Variants in AGMO observed in about 807,000 individuals in gnomAD.
AGMO encodes the protein alkylglycerol monooxygenase, also known as glyceryl-ether monooxygenase.
AGMO carries 75 observed loss-of-function variants against 60.2 expected under a neutral mutation model. The observed-to-expected ratio is 1.25, with a 90% CI of 1.03 to 1.51. The LOEUF is 1.51. Ranked by LOEUF, AGMO falls within the 40% of genes most tolerant of loss-of-function variation. The pLI, the probability that AGMO is intolerant of heterozygous loss-of-function variation, is 0.00. For synonymous variants in AGMO, 261 were observed against 177.1 expected (o/e 1.47, Z -3.76); for missense variants, 763 against 525.5 (o/e 1.45, Z -4.42).
downstream of AGMO, among the ~76,000 whole-genome samples, chr7:15,196,253 T>C (rs367654876): frequency 7.5e-4 from 114 of 152,150 alleles, no homozygotes; most frequent in African/African-American, 2.6e-3. Flanking sequence ...TTCACCATAT[T>C]GATCAGGCTG....
At chr7:15,165,707 A>G in the AGMO span, among the ~76,000 whole-genome samples, 1 of 152,194 alleles carries the variant, frequency 6.6e-6, no homozygotes. Flanking sequence ...AATATGACAT[A>G]TAATTTAATC....
At chr7:15,553,189 G>C (rs963381277) in intron 2 of AGMO, among the ~76,000 whole-genome samples, 1 of 151,352 alleles carries the variant, frequency 6.6e-6, no homozygotes, top group African/African-American at 2.4e-5. Flanking sequence ...GCGGAGGGGG[G>C]AGGGATAGCA....
chr7:15,354,341 CACGCGTGTATATAGACGTGTGTATAT>C lies in AGMO; in HGVS notation c.1263+11147_1263+11172del, dbSNP rs1782380635. On this transcript the variant is annotated intron_variant, in intron 12 of 12. Coordinates refer to ENST00000342526, the MANE Select transcript of AGMO (RefSeq NM_001004320.2). ...GTGTATATACGTACGCGTGTATATA[CACGCGTGTATATAGACGTGTGTATAT>C]AGACGTGTGTATACACGTGTGTGTA... Among the ~76,000 whole-genome samples the C allele has an allele frequency of 1.5e-4, 5 of 34,062 alleles. 1 individual carries two copies. Among genetic ancestry groups the C allele is most frequent in the African/African-American group, 6.9e-4 (5 of 7,222 alleles). The allele number at this position is 34,062 out of a possible 152,430, so 22.3% of individuals were successfully genotyped here.
chr7:15,341,915 A>G (rs1158728308), intron 12 of AGMO, among the ~76,000 whole-genome samples: 2 of 151,972 alleles, frequency 1.3e-5, no homozygotes, highest in Admixed American at 1.3e-4. Flanking sequence ...CAGCATGGGA[A>G]AATCTGCTCT....
In AGMO at chr7:15,356,638, G is replaced by C. The variant is rs993226825; in HGVS notation, c.1263+8876C>G. ...TCACACAGACAGCAGATAATACAGT[G>C]TTATTAATACTTGACTGGTATTATA... On this transcript the variant is annotated intron_variant, in intron 12 of 12. Coordinates refer to ENST00000342526, the MANE Select transcript of AGMO (RefSeq NM_001004320.2). Among the ~76,000 whole-genome samples the C allele has an allele frequency of 5.3e-5, 8 of 151,802 alleles. 1 individual carries two copies. Among genetic ancestry groups the C allele is most frequent in the Admixed American group, 3.9e-4 (6 of 15,242 alleles).
At chr7:15,350,355 A>T (rs1381462411) in intron 12 of AGMO, among the ~76,000 whole-genome samples, 1 of 152,180 alleles carries the variant, frequency 6.6e-6, no homozygotes, top group African/African-American at 2.4e-5. Context: ...TAAATTGTAT[A>T]AAAAATCCAC....
chr7:15,204,316 G>A (rs982370923), intron 12 of AGMO, among the ~76,000 whole-genome samples: 2 of 151,818 alleles, frequency 1.3e-5, no homozygotes, highest in South Asian at 2.1e-4. Flanking sequence ...TTTGTATTAC[G>A]CCATTTATTT....
the AGMO span, among the ~76,000 whole-genome samples, chr7:15,152,361 T>C: frequency 1.3e-5 from 2 of 152,250 alleles, no homozygotes; most frequent in South Asian, 2.1e-4. Context: ...ATTTATTTTT[T>C]ATTTCAATAA....
chr7:15,163,019 C>T, the AGMO span, among the ~76,000 whole-genome samples: 2 of 152,068 alleles, frequency 1.3e-5, no homozygotes, highest in South Asian at 2.1e-4. Context: ...TTATAGTTCT[C>T]CTTGTAGAGC....
chr7:15,260,914 T>C (rs1238111174), intron 12 of AGMO, among the ~76,000 whole-genome samples: 4 of 151,992 alleles, frequency 2.6e-5, no homozygotes, highest in Admixed American at 6.6e-5. Context: ...TCCTAAATGA[T>C]CATTGGGTCA....
chr7:15,125,440 T>A, the AGMO span, among the ~76,000 whole-genome samples: 1 of 152,104 alleles, frequency 6.6e-6, no homozygotes, highest in South Asian at 2.1e-4. Flanking sequence ...TGTGACTGAT[T>A]TTGATATAAA....
At chr7:15,191,184 GTTTC>G in the AGMO span, among the ~76,000 whole-genome samples, 1 of 152,146 alleles carries the variant, frequency 6.6e-6, no homozygotes, top group Non-Finnish European at 1.5e-5. Context: ...AAAAAGGACA[GTTTC>G]TTTATAGAGT....
chr7:15,226,843 T>C (rs1782098117), intron 12 of AGMO, among the ~76,000 whole-genome samples: 1 of 151,986 alleles, frequency 6.6e-6, no homozygotes, highest in Admixed American at 6.6e-5. Flanking sequence ...TTTATATTCA[T>C]GAAAAATAGT....
At chr7:15,326,463 C>G (rs1781341941) in intron 12 of AGMO, among the ~76,000 whole-genome samples, 1 of 152,206 alleles carries the variant, frequency 6.6e-6, no homozygotes, top group Non-Finnish European at 1.5e-5. Context: ...ACACAGACCT[C>G]TTAACTTTTG....
intron 5 of AGMO, among the ~76,000 whole-genome samples, chr7:15,406,034 A>G (rs1229192766): frequency 2.0e-5 from 3 of 151,848 alleles, no homozygotes; most frequent in Non-Finnish European, 4.4e-5. Flanking sequence ...ATTTTTTAAT[A>G]AAGATTCATG....
the AGMO span, among the ~76,000 whole-genome samples, chr7:15,183,305 C>T: frequency 6.6e-5 from 10 of 152,108 alleles, no homozygotes; most frequent in African/African-American, 2.4e-4. Context: ...TGGATCTTAA[C>T]TAACATTCAC....
intron 3 of AGMO, among the ~76,000 whole-genome samples, chr7:15,460,325 G>A (rs1782113101): frequency 6.6e-6 from 1 of 151,924 alleles, no homozygotes; most frequent in South Asian, 2.1e-4. Flanking sequence ...CTGACCTCAA[G>A]TCATCCACCC....
intron 5 of AGMO, 130 bp from the exon 6 acceptor site, chr7:15,394,309 G>T: frequency 1.4e-6 from 1 of 698,262 alleles, no homozygotes; most frequent in Non-Finnish European, 2.4e-6. Context: ...TCAGAGAGTG[G>T]AAAAAAGTTC....
chr7:15,385,769 G>T (rs1297253079), intron 9 of AGMO, among the ~76,000 whole-genome samples: 1 of 152,128 alleles, frequency 6.6e-6, no homozygotes. Flanking sequence ...TTAAAGAGCA[G>T]CATAAGAACT....
Sources: gnomAD v4.1 joint callset for allele counts (sites outside exome capture counted in the v4.1 genomes callset) on GRCh38, gnomAD v4.1.1 for gene constraint, MANE v1.5 for transcripts, NCBI Gene and HGNC (gene_info 2026-07-23, HGNC 2026-07-21) for gene names.